Variants in DMP1 observed in about 807,000 individuals in gnomAD.
The protein encoded by DMP1 is dentin matrix protein 1.
In DMP1, 20 loss-of-function variants were observed where a neutral mutation model predicts 14.6. The observed-to-expected ratio is 1.37, with a 90% CI of 0.96 to 1.99. The LOEUF (loss-of-function observed/expected upper bound fraction) is 1.99. Among genes scored for constraint, DMP1 ranks in the 30% most tolerant of loss-of-function variants. The pLI is 0.00. For missense variants in DMP1, 567 were observed against 620.5 expected (o/e 0.91, Z 0.92); for synonymous variants, 197 against 215.3 (o/e 0.91, Z 0.75).
At chr4:87,656,656 A>G in intron 2 of DMP1, 110 bp downstream of exon 2, 1 of 806,642 alleles carries the variant, frequency 1.2e-6, no homozygotes, top group East Asian at 2.4e-5. Context: ...CAGTAAAAAT[A>G]GTAGTTTCTT....
chr4:87,661,432 C>A (rs1728873759), intron 5 of DMP1, among the ~76,000 whole-genome samples: 1 of 151,746 alleles, frequency 6.6e-6, no homozygotes. Context: ...CCGTGTTAGC[C>A]AGGATGGTCT....
intron 1 of DMP1, 122 bp from the exon 2 acceptor site, chr4:87,656,350 T>C: frequency 1.4e-6 from 1 of 711,772 alleles, no homozygotes; most frequent in Non-Finnish European, 2.6e-6. Flanking sequence ...CAGTAAATTT[T>C]ATTTATCCAT....
chr4:87,659,920 T>C (rs1434508860), intron 5 of DMP1, among the ~76,000 whole-genome samples: 1 of 152,234 alleles, frequency 6.6e-6, no homozygotes, highest in East Asian at 1.9e-4. Flanking sequence ...GAGGAAACTT[T>C]AATGAAAAGA....
intron 1 of DMP1, among the ~76,000 whole-genome samples, chr4:87,654,064 C>G (rs1420412117): frequency 5.9e-5 from 9 of 152,124 alleles, no homozygotes; most frequent in Admixed American, 5.2e-4. Context: ...CAAAGCCTGT[C>G]CAGATTCTTC....
In DMP1 at chr4:87,662,768, C is replaced by T; in HGVS notation, c.990C>T (p.Ser330=). 1 of 1,613,712 alleles carries T rather than the reference C, an allele frequency of 6.2e-7. No individual in the cohort carries two copies. Among genetic ancestry groups the T allele is most frequent in the South Asian group, 1.1e-5 (1 of 91,062 alleles). ...DSKENLSQEE[S]QNVDGPSSES... is the part of the protein sequence containing the mutation. Reference sequence around the variant, plus strand: ...AGGAGAATCTGTCCCAGGAAGAGAGCCAAAACGTAGATGGTCCCAGCAGTG... The same window carrying T: ...AGGAGAATCTGTCCCAGGAAGAGAGTCAAAACGTAGATGGTCCCAGCAGTG... The change falls in exon 6 of 6, where the codon AGC becomes AGT. Residue 330 remains serine (S), a synonymous_variant. Coordinates refer to ENST00000339673, the MANE Select transcript of DMP1 (RefSeq NM_004407.4).
At position 87,663,008 on chromosome 4, in the gene DMP1, G is replaced by C. The variant is rs2615497; in HGVS notation, c.1230G>C (p.Glu410Asp). Residue 410 changes from glutamate (E) to aspartate (D), a missense_variant, in exon 6 of 6, where the codon GAG becomes GAC. Transcript: ENST00000339673. ...AGCAAGCAGACAGCGAATCCAGTGA[G>C]AGCCTCAACTTCTCAGAGGAAAGCC... ...REEQADSESS[E>D]SLNFSEESPE... is the part of the protein sequence containing the mutation. 6.2e-7 allele frequency: 1 copy of C among 1,613,836 alleles called. No homozygotes were observed. The highest frequency in any genetic ancestry group is 1.7e-5 in the Admixed American group (1 of 60,008).
intron 3 of DMP1, 107 bp downstream of exon 3, chr4:87,657,186 T>G: frequency 2.9e-6 from 2 of 694,788 alleles, no homozygotes; most frequent in Non-Finnish European, 2.6e-6. Context: ...TTCATCAGCA[T>G]ATTAATAAGC....
rs541422288 is a variant in DMP1 at position 87,658,863 on chromosome 4, G to T, written c.103-357G>T. On this transcript the variant is annotated intron_variant, in intron 3 of 5. Coordinates refer to ENST00000339673, the MANE Select transcript of DMP1 (RefSeq NM_004407.4). ...GTTTTCAGGGCTAAAACCAAAACCA[G>T]TGAGTTAATTGAGACTTAAATCTGG... is the stretch of plus-strand genomic sequence containing the variant. 4 of 277,942 alleles carry T rather than the reference G, an allele frequency of 1.4e-5. No homozygotes were observed. In the East Asian group the frequency reaches 3.8e-4, roughly 26 times the overall value. 17.2% of individuals were successfully genotyped at this position (277,942 alleles called of 1,614,324 possible). A position where few individuals can be genotyped will look rare whatever the true frequency, so the allele number is the denominator to read the frequency against.
Position 87,663,620 on chromosome 4 carries a change from G to A in DMP1, c.*300G>A, listed in dbSNP as rs1728998346. The A allele has an allele frequency of 2.3e-6, 1 of 442,292 alleles. No homozygotes were observed. Among genetic ancestry groups the A allele is most frequent in the Admixed American group, 3.5e-5 (1 of 28,820 alleles). The allele number at this position is 442,292 out of a possible 1,614,324, so 27.4% of individuals were successfully genotyped here. ...ATCAACGTAACAAACAAAGCTATTG[G>A]GTGTCCATGATATACCAGGCACTAT... On this transcript the variant is annotated 3_prime_UTR_variant, in exon 6 of 6. Transcript: ENST00000339673.
intron 1 of DMP1, among the ~76,000 whole-genome samples, chr4:87,655,137 CA>C (rs1429307208): frequency 6.6e-6 from 1 of 152,102 alleles, no homozygotes; most frequent in Admixed American, 6.5e-5. Flanking sequence ...ATACATTTAA[CA>C]TTTAAAGAAA....
At chr4:87,656,964 G>C in intron 2 of DMP1, 68 bp from the exon 3 acceptor site, 1 of 985,564 alleles carries the variant, frequency 1.0e-6, no homozygotes, top group Non-Finnish European at 1.6e-6. Flanking sequence ...TCCTATGTAT[G>C]AAATGTGTTA....
intron 5 of DMP1, among the ~76,000 whole-genome samples, chr4:87,661,306 C>T (rs186192163): frequency 2.3e-3 from 341 of 150,496 alleles, no homozygotes; most frequent in Non-Finnish European, 3.9e-3. Context: ...CTGCAGGCTC[C>T]GCCCCCTGGG....
chr4:87,660,774 C>T (rs1050331935), intron 5 of DMP1: 9 of 152,186 alleles, frequency 5.9e-5, no homozygotes, highest in Admixed American at 5.2e-4. Context: ...GCTGAATCAT[C>T]TATAGGCAAC....
chr4:87,659,246 ACCC>A lies in DMP1; in HGVS notation c.130_132del (p.Pro44del), dbSNP rs1241727604. 6.2e-7 allele frequency: 1 copy of A among 1,613,996 alleles called. No homozygotes were observed. The highest frequency in any genetic ancestry group is 1.1e-5 in the South Asian group (1 of 91,076). The stretch of plus-strand genomic sequence containing the variant: ...GTCATTTGGCTCAGGCACCAACACC[ACCC>A]TTGGTAACTATCTCATTTACTTTTG... On this transcript the variant is annotated inframe_deletion, in exon 4 of 6. Coordinates refer to ENST00000339673, the MANE Select transcript of DMP1 (RefSeq NM_004407.4).
At chr4:87,655,435 TC>T (rs2110011497) in intron 1 of DMP1, among the ~76,000 whole-genome samples, 1 of 152,276 alleles carries the variant, frequency 6.6e-6, no homozygotes, top group South Asian at 2.1e-4. Context: ...TACAAGTGTA[TC>T]CCAAACCTGT....
intron 1 of DMP1, among the ~76,000 whole-genome samples, chr4:87,653,927 C>A (rs2110010505): frequency 6.6e-6 from 1 of 152,192 alleles, no homozygotes; most frequent in African/African-American, 2.4e-5. Context: ...AGAACGAAGA[C>A]CTAAAGATAC....
intron 3 of DMP1, among the ~76,000 whole-genome samples, chr4:87,657,691 C>T (rs983537276): frequency 2.0e-5 from 3 of 152,216 alleles, no homozygotes; most frequent in South Asian, 2.1e-4. Context: ...TAGAGCCAGA[C>T]TTTGATATTA....
chr4:87,662,027 C>T lies in DMP1; in HGVS notation c.249C>T (p.Tyr83=). The change falls in exon 6 of 6, where the codon TAC becomes TAT. Residue 83 remains tyrosine, a synonymous_variant. Coordinates refer to ENST00000339673, the MANE Select transcript of DMP1 (RefSeq NM_004407.4). ...EEGLGSDDHQ[Y]IYRLAGGFSR... is the part of the protein sequence containing the mutation. ...GCCTGGGCTCTGATGATCATCAATA[C>T]ATTTATAGGCTAGCTGGTGGCTTCT... The T allele has an allele frequency of 6.2e-7, 1 of 1,614,210 alleles. No individual in the cohort carries two copies. The highest frequency in any genetic ancestry group is 8.5e-7 in the Non-Finnish European group (1 of 1,180,048).
At chr4:87,659,273 T>C in intron 4 of DMP1, 21 bp downstream of exon 4, 1 of 1,613,782 alleles carries the variant, frequency 6.2e-7, no homozygotes, top group Non-Finnish European at 8.5e-7. Context: ...CATTTACTTT[T>C]GTCATAAACA....
Sources: allele counts gnomAD v4.1 joint callset (sites outside exome capture counted in the v4.1 genomes callset), GRCh38; gene constraint gnomAD v4.1.1; transcripts MANE v1.5; gene names NCBI Gene and HGNC (gene_info 2026-07-23, HGNC 2026-07-21).